Variants in ZNF638 observed in about 807,000 individuals in gnomAD.
ZNF638 encodes CTCL tumor antigen se33-1.
Under a neutral mutation model 195.6 loss-of-function variants are expected in ZNF638, and 46 were observed. The ratio of observed to expected loss-of-function variants is 0.24; its 90% CI spans 0.19 to 0.30. The LOEUF (loss-of-function observed/expected upper bound fraction) is 0.30, where lower values mean the gene tolerates loss of function less well. ZNF638 is among the 10% of genes least tolerant of loss of function. The pLI is 1.00. For missense variants in ZNF638, 2,440 were observed against 2,325.3 expected (o/e 1.05, Z -1.01); for synonymous variants, 845 against 772.0 (o/e 1.09, Z -1.57).
chr2:71,372,531 A>G (rs930577582), intron 8 of ZNF638, among the ~76,000 whole-genome samples: 4 of 152,210 alleles, frequency 2.6e-5, no homozygotes, highest in Admixed American at 2.0e-4. Flanking sequence ...GTGTGCTGTC[A>G]GGGATTTAAG....
intron 11 of ZNF638, among the ~76,000 whole-genome samples, chr2:71,398,184 G>A (rs1374757883): frequency 1.3e-5 from 2 of 152,096 alleles, no homozygotes; most frequent in Non-Finnish European, 2.9e-5. Flanking sequence ...AAGTGTTTTA[G>A]ATTTTGGATT....
In ZNF638 at chr2:71,405,594, T is replaced by A. The variant is rs774944659; in HGVS notation, c.2959-7T>A. ...ACCATCAACCTTTATCTATTTTTGC[T>A]TTTTAGGAAGCTATATTTATAACCT... On this transcript the variant is annotated splice_polypyrimidine_tract_variant and splice_region_variant and intron_variant, in intron 17 of 27. Transcript: ENST00000264447. The A allele has an allele frequency of 1.9e-6, 3 of 1,555,746 alleles. No homozygotes were observed. Among genetic ancestry groups the A allele is most frequent in the Non-Finnish European group, 2.6e-6 (3 of 1,145,262 alleles).
rs1373515867 is a variant in ZNF638 at position 71,400,371 on chromosome 2, CTTG to C, written c.2657-102_2657-100del. On this transcript the variant is annotated intron_variant, in intron 14 of 27. Coordinates refer to ENST00000264447, the MANE Select transcript of ZNF638 (RefSeq NM_014497.5). Reference sequence around the variant, plus strand: ...AGTCATTTTGTACTAATTCTCTAGACTTGTTGTATTACACGTTTTCATGTAGCT... The same window carrying C: ...AGTCATTTTGTACTAATTCTCTAGACTTGTATTACACGTTTTCATGTAGCT... The C allele has an allele frequency of 4.4e-5, 51 of 1,162,652 alleles. No individual in the cohort carries two copies. In the Admixed American group the frequency reaches 6.2e-4, roughly 14 times the overall value. The allele number at this position is 1,162,652 out of a possible 1,614,324, so 72.0% of individuals were successfully genotyped here. A position where few individuals can be genotyped will look rare whatever the true frequency, so the allele number is the denominator to read the frequency against.
chr2:71,394,572 A>G (rs2079853897), intron 10 of ZNF638, among the ~76,000 whole-genome samples: 1 of 152,122 alleles, frequency 6.6e-6, no homozygotes, highest in Non-Finnish European at 1.5e-5. Flanking sequence ...TATTACTAGT[A>G]TTATGGTATT....
intron 10 of ZNF638, among the ~76,000 whole-genome samples, chr2:71,387,622 G>C (rs1411750959): frequency 6.6e-6 from 1 of 150,554 alleles, no homozygotes; most frequent in East Asian, 2.0e-4. Context: ...AATGAGCTGA[G>C]ATCATGCCAC....
intron 2 of ZNF638, 74 bp from the exon 3 acceptor site, chr2:71,355,645 C>G: frequency 9.8e-7 from 1 of 1,022,208 alleles, no homozygotes; most frequent in Non-Finnish European, 1.4e-6. Context: ...TATTATTTGT[C>G]TTTTTTAAAA....
intron 27 of ZNF638, 66 bp from the exon 28 acceptor site, chr2:71,434,676 A>G: frequency 2.3e-6 from 3 of 1,321,844 alleles, no homozygotes; most frequent in Non-Finnish European, 3.2e-6. Flanking sequence ...TATACAGTAG[A>G]TAAGTTTGCA....
intron 12 of ZNF638, 22 bp downstream of exon 12, chr2:71,398,794 G>T (rs1297839229): frequency 2.6e-6 from 4 of 1,566,232 alleles, no homozygotes; most frequent in Admixed American, 3.6e-5. Context: ...GGGGAGGAGA[G>T]ATTTTATTGT....
At chr2:71,343,223 A>G (rs576309811) in intron 1 of ZNF638, among the ~76,000 whole-genome samples, 1 of 152,320 alleles carries the variant, frequency 6.6e-6, no homozygotes, top group South Asian at 2.1e-4. Context: ...CTTTGGCTAT[A>G]GGAACGCAAC....
intron 2 of ZNF638, among the ~76,000 whole-genome samples, chr2:71,354,955 ATTTTAT>A (rs574500323): frequency 1.8e-4 from 28 of 151,638 alleles, no homozygotes; most frequent in African/African-American, 5.3e-4. Context: ...TAGCATTTTT[ATTTTAT>A]TTTTATTTTT....
chr2:71,359,684 C>G (rs780909731), intron 3 of ZNF638, among the ~76,000 whole-genome samples: 1 of 152,234 alleles, frequency 6.6e-6, no homozygotes, highest in African/African-American at 2.4e-5. Flanking sequence ...TCATAACTTT[C>G]TCTCCACTGC....
At chr2:71,401,214 T>C (rs1029276003) in intron 15 of ZNF638, among the ~76,000 whole-genome samples, 6 of 152,192 alleles carry the variant, frequency 3.9e-5, no homozygotes, top group East Asian at 1.9e-4. Context: ...CCCCTAGATA[T>C]CAAAAATTGC....
intron 4 of ZNF638, among the ~76,000 whole-genome samples, 163 bp from the exon 5 acceptor site, chr2:71,363,791 T>C (rs560946669): frequency 1.3e-5 from 2 of 152,352 alleles, no homozygotes; most frequent in East Asian, 3.9e-4. Flanking sequence ...CGTATAAGGC[T>C]GAATTACATC....
chr2:71,334,224 T>G (rs1218579080), intron 1 of ZNF638, among the ~76,000 whole-genome samples: 1 of 152,216 alleles, frequency 6.6e-6, no homozygotes, highest in East Asian at 1.9e-4. Flanking sequence ...TAAATCATGC[T>G]CTTTCCACTG....
At chr2:71,417,032 T>TA (rs2080309339) in intron 20 of ZNF638, among the ~76,000 whole-genome samples, 1 of 137,736 alleles carries the variant, frequency 7.3e-6, no homozygotes, top group Non-Finnish European at 1.6e-5. Flanking sequence ...GCTGCTTTGT[T>TA]TACCTAAGCA....
intron 19 of ZNF638, 144 bp from the exon 20 acceptor site, chr2:71,407,978 A>G (rs1290851078): frequency 1.5e-6 from 1 of 682,614 alleles, no homozygotes; most frequent in Admixed American, 3.6e-5. Flanking sequence ...TGCTTCTGTG[A>G]ACATGGGTGT....
At chr2:71,375,844 A>T (rs2079411968) in intron 8 of ZNF638, 1 of 152,240 alleles carries the variant, frequency 6.6e-6, no homozygotes, top group Admixed American at 6.5e-5. Flanking sequence ...TTTAATCAAT[A>T]TACTCAGCCT....
intron 8 of ZNF638, among the ~76,000 whole-genome samples, chr2:71,378,139 C>T (rs1387547400): frequency 1.3e-5 from 2 of 151,992 alleles, no homozygotes; most frequent in Non-Finnish European, 1.5e-5. Flanking sequence ...AGACTAAAAT[C>T]TAAATAATCA....
At position 71,349,124 on chromosome 2, in the gene ZNF638, G is replaced by T. The variant is rs566104595; in HGVS notation, c.170G>T (p.Gly57Val). ...RARGIPHRFA[G>V]HESYQNMGPQ... is the part of the protein sequence containing the mutation. ...CGTGGAATTCCACACAGATTTGCTG[G>T]CCATGAATCTTATCAGAACATGGGG... Residue 57 changes from glycine to valine, a missense_variant, in exon 2 of 28, where the codon GGC (glycine) becomes GTC (valine). Gly to Val is a moderately radical substitution (Grantham distance 109). Coordinates refer to ENST00000264447, the MANE Select transcript of ZNF638 (RefSeq NM_014497.5). The T allele has an allele frequency of 1.2e-6, 2 of 1,614,144 alleles. No homozygotes were observed. Among genetic ancestry groups the T allele is most frequent in the Non-Finnish European group, 1.7e-6 (2 of 1,180,038 alleles).
Sources: allele counts gnomAD v4.1 joint callset (sites outside exome capture counted in the v4.1 genomes callset), GRCh38; gene constraint gnomAD v4.1.1; transcripts MANE v1.5; gene names NCBI Gene and HGNC (gene_info 2026-07-23, HGNC 2026-07-21).